CRTAC1: variants seen among roughly 807,000 people sequenced by gnomAD.
CRTAC1 encodes cartilage acidic protein 1, also known as acidic secreted protein in cartilage.
Under a neutral mutation model 67.8 loss-of-function variants are expected in CRTAC1, and 37 were observed. That is an observed-to-expected ratio of 0.55 (90% confidence interval 0.42 to 0.72). The LOEUF (loss-of-function observed/expected upper bound fraction) is 0.72. Ranked by LOEUF, CRTAC1 falls within the 30% of genes least tolerant of loss-of-function variation. The pLI is 0.00. For synonymous variants in CRTAC1, 348 were observed against 371.0 expected (o/e 0.94, Z 0.71); for missense variants, 780 against 931.6 (o/e 0.84, Z 2.12).
intron 11 of CRTAC1, among the ~76,000 whole-genome samples, chr10:97,893,292 T>C (rs1193261421): frequency 6.6e-6 from 1 of 152,224 alleles, no homozygotes; most frequent in East Asian, 1.9e-4. Context: ...TATTAACATT[T>C]GTATTTACTA....
chr10:97,977,092 T>C (rs1445328413), intron 2 of CRTAC1, among the ~76,000 whole-genome samples: 2 of 152,210 alleles, frequency 1.3e-5, no homozygotes, highest in Non-Finnish European at 2.9e-5. Flanking sequence ...TTGGTATTCA[T>C]GTGCAATTTA....
chr10:97,960,918 T>C (rs555315987), intron 2 of CRTAC1, among the ~76,000 whole-genome samples: 1 of 152,370 alleles, frequency 6.6e-6, no homozygotes, highest in South Asian at 2.1e-4. Flanking sequence ...CCACACTATG[T>C]CCTAAAAATG....
chr10:98,026,593 G>C (rs1261895782), intron 1 of CRTAC1, among the ~76,000 whole-genome samples: 2 of 152,084 alleles, frequency 1.3e-5, no homozygotes, highest in East Asian at 3.9e-4. Context: ...TTTAAAGAGA[G>C]GGGCTTTTCC....
chr10:97,997,327 C>T (rs1385062176), intron 2 of CRTAC1, among the ~76,000 whole-genome samples: 2 of 147,924 alleles, frequency 1.4e-5, no homozygotes, highest in Admixed American at 1.3e-4. Flanking sequence ...ATGGCATGCC[C>T]CTGTAGTCCC....
intron 2 of CRTAC1, among the ~76,000 whole-genome samples, chr10:98,002,865 G>A (rs1474338134): frequency 3.2e-5 from 4 of 124,534 alleles, no homozygotes; most frequent in African/African-American, 9.0e-5. Context: ...TGCAAGCTCC[G>A]CCTCCCGGGT....
At chr10:97,896,041 A>G (rs2050454148) in intron 9 of CRTAC1, 56 bp from the exon 10 acceptor site, 2 of 1,491,426 alleles carry the variant, frequency 1.3e-6, no homozygotes, top group Non-Finnish European at 1.9e-6. Flanking sequence ...CACAAAGGAG[A>G]CACGCTCCCA....
intron 2 of CRTAC1, among the ~76,000 whole-genome samples, chr10:97,937,465 A>C (rs1194281497): frequency 6.6e-6 from 1 of 151,824 alleles, no homozygotes; most frequent in African/African-American, 2.4e-5. Flanking sequence ...ATTCTCATTT[A>C]CCTCTTCCTT....
At position 97,880,239 on chromosome 10, in the gene CRTAC1, C is replaced by A; in HGVS notation, c.1819+10G>T. ...TTTTGCTACTGGCCTATGGCTGGGG[C>A]CCCACTCACCCACGCAGGCTGTGCC... is the stretch of plus-strand genomic sequence containing the variant. On this transcript the variant is annotated intron_variant, in intron 14 of 14. Coordinates refer to ENST00000370597, the MANE Select transcript of CRTAC1 (RefSeq NM_018058.7). 4 of 1,612,450 alleles carry A rather than the reference C, an allele frequency of 2.5e-6. No homozygotes were observed. Among genetic ancestry groups the A allele is most frequent in the African/African-American group, 1.3e-5 (1 of 75,026 alleles).
At chr10:98,004,666 T>C (rs1025426279) in intron 2 of CRTAC1, among the ~76,000 whole-genome samples, 3 of 151,968 alleles carry the variant, frequency 2.0e-5, no homozygotes, top group Non-Finnish European at 4.4e-5. Context: ...TAAACGTCAC[T>C]TGAGGAATGG....
intron 2 of CRTAC1, among the ~76,000 whole-genome samples, chr10:97,970,450 G>C (rs1049872561): frequency 6.6e-6 from 1 of 152,098 alleles, no homozygotes; most frequent in Non-Finnish European, 1.5e-5. Flanking sequence ...CTGTCCTCAG[G>C]GCCAGCGTGG....
At chr10:98,022,256 G>A (rs944393766) in intron 1 of CRTAC1, among the ~76,000 whole-genome samples, 5 of 152,128 alleles carry the variant, frequency 3.3e-5, no homozygotes, top group African/African-American at 1.2e-4. Context: ...TTGGGAAGCT[G>A]AGGCAGGGGA....
chr10:97,889,453 T>TGGG (rs372820099), intron 11 of CRTAC1, among the ~76,000 whole-genome samples: 1,704 of 94,942 alleles, frequency 0.018, 16 homozygotes, highest in Middle Eastern at 0.036. Context: ...TGGAACTTGG[T>TGGG]GGGGGGGGGT....
intron 3 of CRTAC1, among the ~76,000 whole-genome samples, chr10:97,924,608 C>T (rs907621923): frequency 1.3e-5 from 2 of 152,144 alleles, no homozygotes; most frequent in African/African-American, 4.8e-5. Flanking sequence ...ATCTCTGAGC[C>T]TCGGTTTTCC....
chr10:97,967,391 T>C (rs1210936141), intron 2 of CRTAC1, among the ~76,000 whole-genome samples: 1 of 152,186 alleles, frequency 6.6e-6, no homozygotes, highest in East Asian at 1.9e-4. Context: ...GTATATTTCT[T>C]GTCCCATTCC....
intron 14 of CRTAC1, 104 bp from the exon 15 acceptor site, chr10:97,865,818 C>CACCCCGGGCAGCA: frequency 5.0e-6 from 2 of 400,158 alleles, no homozygotes; most frequent in Non-Finnish European, 9.0e-6. Flanking sequence ...CCCTGCTGCC[C>CACCCCGGGCAGCA]GGGGTGGGAG....
chr10:97,890,940 G>T (rs1328949078), intron 11 of CRTAC1, among the ~76,000 whole-genome samples: 5 of 151,902 alleles, frequency 3.3e-5, no homozygotes, highest in African/African-American at 4.8e-5. Context: ...GCGCTGGGAG[G>T]ACAGGCGTGA....
At chr10:97,944,744 G>C (rs1368613780) in intron 2 of CRTAC1, among the ~76,000 whole-genome samples, 1 of 152,192 alleles carries the variant, frequency 6.6e-6, no homozygotes. Context: ...CCTGCAAGGG[G>C]CCCAGTAGCT....
At chr10:97,976,579 G>A (rs947072571) in intron 2 of CRTAC1, among the ~76,000 whole-genome samples, 4 of 152,126 alleles carry the variant, frequency 2.6e-5, no homozygotes, top group East Asian at 1.9e-4. Flanking sequence ...TTACTACATC[G>A]CAGCAATTTT....
chr10:97,986,266 A>T (rs890972587), intron 2 of CRTAC1, among the ~76,000 whole-genome samples: 1 of 152,186 alleles, frequency 6.6e-6, no homozygotes, highest in Non-Finnish European at 1.5e-5. Flanking sequence ...AAGCACTCTC[A>T]GGGGGTCCTC....
Sources: allele counts gnomAD v4.1 joint callset (sites outside exome capture counted in the v4.1 genomes callset), GRCh38; gene constraint gnomAD v4.1.1; transcripts MANE v1.5; gene names NCBI Gene and HGNC (gene_info 2026-07-23, HGNC 2026-07-21).